The following TSPAN18 variants were observed in gnomAD, a reference collection of about 807,000 sequenced individuals.
The protein encoded by TSPAN18 is tetraspanin-18.
A neutral mutation model predicts 27.3 loss-of-function variants in TSPAN18; 14 were observed. The observed-to-expected ratio is 0.51, with a 90% CI of 0.34 to 0.80. TSPAN18 has a LOEUF of 0.80. TSPAN18 is among the 30% of genes least tolerant of loss of function. TSPAN18 has a pLI of 0.01. For synonymous variants in TSPAN18, 143 were observed against 136.5 expected, an observed-to-expected ratio of 1.05 and a Z score of -0.33; for missense variants, 268 against 323.9, an observed-to-expected ratio of 0.83 and a Z score of 1.32.
At chr11:44,777,491 T>A (rs1199313185) in intron 2 of TSPAN18, among the ~76,000 whole-genome samples, 1 of 152,154 alleles carries the variant, frequency 6.6e-6, no homozygotes, top group Non-Finnish European at 1.5e-5. Flanking sequence ...CCTCCGGAAT[T>A]CTGTGGGGAT....
chr11:44,787,921 GACAGTC>G, intron 2 of TSPAN18, among the ~76,000 whole-genome samples: 1 of 151,962 alleles, frequency 6.6e-6, no homozygotes, highest in South Asian at 2.1e-4. Flanking sequence ...AACACAGGCA[GACAGTC>G]ACACTGGCTT....
At chr11:44,849,938 G>A (rs1195844688) in intron 2 of TSPAN18, among the ~76,000 whole-genome samples, 4 of 152,144 alleles carry the variant, frequency 2.6e-5, no homozygotes, top group African/African-American at 9.7e-5. Context: ...GGGGGCATCC[G>A]ACTTGTTGCT....
intron 8 of TSPAN18, among the ~76,000 whole-genome samples, chr11:44,921,085 G>C (rs933514383): frequency 6.6e-6 from 1 of 152,122 alleles, no homozygotes; most frequent in African/African-American, 2.4e-5. Flanking sequence ...TCTGGCCCTG[G>C]CACATCCCCA....
At chr11:44,822,868 A>C (rs995145373) in intron 2 of TSPAN18, among the ~76,000 whole-genome samples, 1 of 152,314 alleles carries the variant, frequency 6.6e-6, no homozygotes, top group Admixed American at 6.5e-5. Flanking sequence ...AAACCAAGTT[A>C]AGGGAATTAA....
At position 44,932,099 on chromosome 11, in the gene TSPAN18, CTA is replaced by C. The variant is rs1158594081; in HGVS notation, c.*2923_*2924del. On this transcript the variant is annotated 3_prime_UTR_variant, in exon 10 of 10. Transcript: ENST00000520358. ...CAGGCCTGTCCACAGCCTCCCTTGT[CTA>C]TGTCTCTATCCATGCTTAAGGGGCC... The C allele has an allele frequency of 1.3e-5, 2 of 152,182 alleles. No homozygotes were observed. Among genetic ancestry groups the C allele is most frequent in the East Asian group, 1.9e-4 (1 of 5,188 alleles). 9.4% of individuals were successfully genotyped at this position (152,182 alleles called of 1,614,324 possible). A position where few individuals can be genotyped will look rare whatever the true frequency, so the allele number is the denominator to read the frequency against.
intron 2 of TSPAN18, among the ~76,000 whole-genome samples, chr11:44,811,945 G>A (rs1325348757): frequency 6.6e-6 from 1 of 152,184 alleles, no homozygotes; most frequent in Non-Finnish European, 1.5e-5. Flanking sequence ...CTCATTCCCC[G>A]GGATGACAGC....
At chr11:44,790,497 A>G (rs1469787320) in intron 2 of TSPAN18, among the ~76,000 whole-genome samples, 1 of 126,442 alleles carries the variant, frequency 7.9e-6, no homozygotes, top group Non-Finnish European at 1.6e-5. Flanking sequence ...GTGTGTATGC[A>G]TATGTTTGTG....
chr11:44,911,675 T>G (rs1859720545), intron 5 of TSPAN18, among the ~76,000 whole-genome samples: 1 of 151,944 alleles, frequency 6.6e-6, no homozygotes, highest in Admixed American at 6.5e-5. Flanking sequence ...GTTAATGGGC[T>G]CGGCTCTGAA....
chr11:44,865,135 A>T (rs1295376192), intron 3 of TSPAN18, among the ~76,000 whole-genome samples: 1 of 152,248 alleles, frequency 6.6e-6, no homozygotes, highest in Non-Finnish European at 1.5e-5. Flanking sequence ...GACTCAAAAC[A>T]AATGGCTTTT....
At chr11:44,780,844 A>G (rs1003466749) in intron 2 of TSPAN18, among the ~76,000 whole-genome samples, 10 of 152,302 alleles carry the variant, frequency 6.6e-5, no homozygotes, top group Admixed American at 5.9e-4. Flanking sequence ...TGTGTTAATC[A>G]ACAAAACCTT....
chr11:44,896,309 A>G (rs1859047362), intron 3 of TSPAN18, among the ~76,000 whole-genome samples: 1 of 152,266 alleles, frequency 6.6e-6, no homozygotes, highest in African/African-American at 2.4e-5. Context: ...TTTGGATTCC[A>G]GCCCCATCAC....
At chr11:44,732,220 C>T (rs1258971748) in intron 1 of TSPAN18, among the ~76,000 whole-genome samples, 1 of 152,256 alleles carries the variant, frequency 6.6e-6, no homozygotes, top group Non-Finnish European at 1.5e-5. Context: ...CATCTTGTTC[C>T]AGCAAGGCTG....
At chr11:44,797,692 C>A (rs1242146734) in intron 2 of TSPAN18, among the ~76,000 whole-genome samples, 2 of 152,068 alleles carry the variant, frequency 1.3e-5, no homozygotes, top group Admixed American at 1.3e-4. Context: ...AAGGCACTGA[C>A]GGGATGAGAT....
intron 9 of TSPAN18, 144 bp from the exon 10 acceptor site, chr11:44,928,987 G>GC: frequency 9.6e-7 from 1 of 1,037,892 alleles, no homozygotes; most frequent in African/African-American, 1.6e-5. Context: ...AGAAGGGCTG[G>GC]CCCCAGGGGA....
Position 44,919,099 on chromosome 11 carries a change from C to G in TSPAN18, c.334-115C>G, listed in dbSNP as rs887443887. The G allele has an allele frequency of 3.7e-6, 3 of 812,826 alleles. No individual in the cohort carries two copies. In the African/African-American group the frequency reaches 5.0e-5, roughly 14 times the overall value. The allele number at this position is 812,826 out of a possible 1,614,324, so 50.4% of individuals were successfully genotyped here. ...TCCCAGGGGACCTGGCACCAGGATG[C>G]AGAGCCCCTAGCTCTCATTCCCCCA... On this transcript the variant is annotated intron_variant, in intron 6 of 9. Transcript: ENST00000520358.
At chr11:44,839,276 C>G (rs1199225813) in intron 2 of TSPAN18, among the ~76,000 whole-genome samples, 1 of 152,186 alleles carries the variant, frequency 6.6e-6, no homozygotes, top group East Asian at 1.9e-4. Context: ...TCTGGGCCCC[C>G]CGGCTCCCCA....
At chr11:44,797,344 G>A (rs1856372843) in intron 2 of TSPAN18, among the ~76,000 whole-genome samples, 2 of 152,312 alleles carry the variant, frequency 1.3e-5, no homozygotes, top group African/African-American at 4.8e-5. Context: ...GATGAGGTGG[G>A]TGTTAGGGAA....
intron 2 of TSPAN18, among the ~76,000 whole-genome samples, chr11:44,846,724 C>G (rs1857493065): frequency 6.6e-6 from 1 of 152,094 alleles, no homozygotes; most frequent in Admixed American, 6.5e-5. Context: ...AGGTTTCCTG[C>G]CCAGGGGAAA....
At chr11:44,920,815 C>T (rs1184466568) in intron 8 of TSPAN18, among the ~76,000 whole-genome samples, 1 of 152,198 alleles carries the variant, frequency 6.6e-6, no homozygotes, top group Admixed American at 6.5e-5. Context: ...GGAGACAAGG[C>T]CCCTGTTCCT....
Sources: gnomAD v4.1 joint callset for allele counts (sites outside exome capture counted in the v4.1 genomes callset) on GRCh38, gnomAD v4.1.1 for gene constraint, MANE v1.5 for transcripts, NCBI Gene and HGNC (gene_info 2026-07-23, HGNC 2026-07-21) for gene names.